Variants in RBFOX2 observed in about 807,000 individuals in gnomAD.
RBFOX2 encodes RNA binding protein fox-1 homolog 2.
In RBFOX2, 10 loss-of-function variants were observed where a neutral mutation model predicts 49.1. The ratio of observed to expected loss-of-function variants is 0.20; its 90% confidence interval spans 0.13 to 0.35. RBFOX2 has a LOEUF of 0.35. Among genes scored for constraint, RBFOX2 ranks in the 10% least tolerant of loss-of-function variants. RBFOX2 has a pLI of 1.00. For synonymous variants in RBFOX2, 183 were observed against 187.4 expected (o/e 0.98, Z 0.19); for missense variants, 323 against 486.9 (o/e 0.66, Z 3.17).
chr22:35,744,865 T>C (rs1296217770), intron 11 of RBFOX2, among the ~76,000 whole-genome samples: 1 of 152,242 alleles, frequency 6.6e-6, no homozygotes, highest in African/African-American at 2.4e-5. Flanking sequence ...TTTATGTTTA[T>C]CAAATGACTT....
chr22:35,754,019 G>C (rs1490878612), intron 9 of RBFOX2, among the ~76,000 whole-genome samples: 1 of 151,246 alleles, frequency 6.6e-6, no homozygotes, highest in Non-Finnish European at 1.5e-5. Context: ...CTGACTTCAA[G>C]TGATCCCCCT....
At position 36,021,937 on chromosome 22, in the gene RBFOX2, C is replaced by T. The variant is rs76737454; in HGVS notation, c.186+6303G>A. 9.2e-5 allele frequency among the ~76,000 whole-genome samples: 14 copies of T among 152,272 alleles called. No individual in the cohort carries two copies. In the East Asian group the frequency reaches 2.3e-3, roughly 25 times the overall value. On this transcript the variant is annotated intron_variant, in intron 1 of 13. Coordinates refer to the RBFOX2 transcript ENST00000438146. ...GAGAATAAGAAGAAACTCAATACTC[C>T]TAGGGGCCACCTAAAACACCAAATG...
intron 1 of RBFOX2, among the ~76,000 whole-genome samples, chr22:35,953,032 A>C (rs1294155949): frequency 6.6e-6 from 1 of 151,994 alleles, no homozygotes; most frequent in African/African-American, 2.4e-5. Flanking sequence ...TAACACGGTG[A>C]AATCCCATCT....
At chr22:35,775,860 A>AAAAAAGAAC (rs1555896239) in intron 4 of RBFOX2, among the ~76,000 whole-genome samples, 1 of 149,128 alleles carries the variant, frequency 6.7e-6, no homozygotes, top group African/African-American at 2.5e-5. Flanking sequence ...AAAAAAAAAA[A>AAAAAAGAAC]AGAAAAGAAA....
At chr22:35,997,367 TCTAA>T (rs2058236253) in intron 1 of RBFOX2, 1 of 150,738 alleles carries the variant, frequency 6.6e-6, no homozygotes, top group African/African-American at 2.5e-5. Flanking sequence ...CAAAATCTCC[TCTAA>T]CTCTCTCAGC....
At chr22:35,843,488 C>T (rs1028712866), upstream of RBFOX2, among the ~76,000 whole-genome samples, 1 of 152,206 alleles carries the variant, frequency 6.6e-6, no homozygotes, top group East Asian at 1.9e-4. Flanking sequence ...TTCCTTTCCT[C>T]CATACTACTC....
At chr22:35,821,172 A>G (rs1190591680) in intron 1 of RBFOX2, among the ~76,000 whole-genome samples, 3 of 152,210 alleles carry the variant, frequency 2.0e-5, no homozygotes, top group Non-Finnish European at 4.4e-5. Flanking sequence ...TGCATTCTAA[A>G]ATATCTTTGA....
At chr22:35,979,447 G>A (rs1348752576) in intron 1 of RBFOX2, among the ~76,000 whole-genome samples, 3 of 152,116 alleles carry the variant, frequency 2.0e-5, no homozygotes, top group African/African-American at 7.2e-5. Context: ...TCCTATTTCG[G>A]GGAATACACA....
At chr22:35,796,614 CT>C (rs1948837627) in intron 2 of RBFOX2, among the ~76,000 whole-genome samples, 1 of 152,158 alleles carries the variant, frequency 6.6e-6, no homozygotes, top group Non-Finnish European at 1.5e-5. Context: ...AATCTGAAAC[CT>C]TATCAGTGAA....
chr22:35,950,806 A>G (rs1201322306), intron 1 of RBFOX2, among the ~76,000 whole-genome samples: 3 of 152,150 alleles, frequency 2.0e-5, no homozygotes, highest in East Asian at 3.9e-4. Flanking sequence ...CTTAGCTGCT[A>G]TTATACTAAT....
In RBFOX2 at chr22:36,005,795, T is replaced by A. The variant is rs369298139; in HGVS notation, c.186+22445A>T. ...AAAAGCTTTAGCAAAGTAGAGCCAA[T>A]CGTTTCTCATAACGTGTTCTAAACT... On this transcript the variant is annotated intron_variant, in intron 1 of 13. Transcript: ENST00000438146. 7.2e-5 allele frequency among the ~76,000 whole-genome samples: 11 copies of A among 152,334 alleles called. No homozygotes were observed. The East Asian group carries it at 1.5e-3, about 21-fold the overall frequency.
intron 1 of RBFOX2, among the ~76,000 whole-genome samples, chr22:35,968,269 C>G (rs1470946026): frequency 6.6e-6 from 1 of 152,178 alleles, no homozygotes; most frequent in Non-Finnish European, 1.5e-5. Context: ...AGTCATTCAA[C>G]CAATTTAGAT....
chr22:36,022,914 C>A (rs1040353431), intron 1 of RBFOX2, among the ~76,000 whole-genome samples: 1 of 152,188 alleles, frequency 6.6e-6, no homozygotes, highest in African/African-American at 2.4e-5. Flanking sequence ...TCATCTTGGA[C>A]TTCCCAGCCT....
chr22:35,969,729 TA>T (rs1489941024), intron 1 of RBFOX2, among the ~76,000 whole-genome samples: 1 of 152,226 alleles, frequency 6.6e-6, no homozygotes, highest in Non-Finnish European at 1.5e-5. Context: ...AAAATAAGTT[TA>T]AAGTGATTTT....
chr22:35,831,643 A>G (rs1199608650), intron 1 of RBFOX2, among the ~76,000 whole-genome samples: 1 of 152,206 alleles, frequency 6.6e-6, no homozygotes, highest in East Asian at 1.9e-4. Flanking sequence ...TGGCTTGCAA[A>G]GCCAAAATTG....
intron 1 of RBFOX2, among the ~76,000 whole-genome samples, chr22:36,010,171 C>T (rs1193086754): frequency 3.3e-5 from 5 of 152,096 alleles, no homozygotes; most frequent in African/African-American, 1.2e-4. Context: ...CAGCAGCCAC[C>T]AGCCCAGATC....
intron 1 of RBFOX2, among the ~76,000 whole-genome samples, chr22:35,896,757 C>T (rs1010975498): frequency 2.0e-5 from 3 of 152,200 alleles, no homozygotes; most frequent in African/African-American, 7.2e-5. Context: ...CTCACCCAAA[C>T]CTTTTCTTTT....
chr22:35,907,478 C>T (rs2049251509), intron 1 of RBFOX2, among the ~76,000 whole-genome samples: 1 of 152,174 alleles, frequency 6.6e-6, no homozygotes. Flanking sequence ...GGTAACCAGA[C>T]AGCGCCATAT....
At chr22:35,813,968 T>A (rs746375622) in intron 1 of RBFOX2, among the ~76,000 whole-genome samples, 2 of 152,234 alleles carry the variant, frequency 1.3e-5, no homozygotes, top group African/African-American at 2.4e-5. Context: ...GCTTGTGCTT[T>A]ATGCACTTAA....
Sources: allele counts gnomAD v4.1 joint callset (sites outside exome capture counted in the v4.1 genomes callset), GRCh38; gene constraint gnomAD v4.1.1; transcripts MANE v1.5; gene names NCBI Gene and HGNC (gene_info 2026-07-23, HGNC 2026-07-21).